The following SLC24A3 variants were observed in gnomAD, a reference collection of about 807,000 sequenced individuals.
SLC24A3 encodes solute carrier family 24 member 3.
In SLC24A3, 28 loss-of-function variants were observed where a neutral mutation model predicts 75.8. The ratio of observed to expected loss-of-function variants is 0.37; its 90% CI spans 0.27 to 0.51. SLC24A3 has a LOEUF of 0.51. Ranked by LOEUF, SLC24A3 falls within the 20% of genes least tolerant of loss-of-function variation. SLC24A3 has a pLI of 0.94. For missense variants in SLC24A3, 663 were observed against 847.8 expected, an observed-to-expected ratio of 0.78 and a Z score of 2.71; for synonymous variants, 372 against 334.1, an observed-to-expected ratio of 1.11 and a Z score of -1.24.
At chr20:19,586,821 T>C (rs2031303613) in intron 6 of SLC24A3, among the ~76,000 whole-genome samples, 1 of 152,234 alleles carries the variant, frequency 6.6e-6, no homozygotes, top group Admixed American at 6.5e-5. Context: ...GGGCTCCCAG[T>C]ACATGGTGAC....
intron 2 of SLC24A3, among the ~76,000 whole-genome samples, chr20:19,362,047 G>T (rs10485589): frequency 6.6e-6 from 1 of 152,006 alleles, no homozygotes; most frequent in Non-Finnish European, 1.5e-5. Flanking sequence ...TTCATGTGTA[G>T]TAAAGACAGC....
At chr20:19,683,587 C>G (rs974818800) in intron 10 of SLC24A3, among the ~76,000 whole-genome samples, 2 of 152,228 alleles carry the variant, frequency 1.3e-5, no homozygotes, top group Non-Finnish European at 2.9e-5. Flanking sequence ...ACCATGTCCT[C>G]CAGTGCAGAA....
At chr20:19,459,592 T>C (rs544290809) in intron 2 of SLC24A3, among the ~76,000 whole-genome samples, 1 of 152,358 alleles carries the variant, frequency 6.6e-6, no homozygotes, top group South Asian at 2.1e-4. Context: ...AGAACCTTCA[T>C]ACTATGGAAC....
intron 1 of SLC24A3, among the ~76,000 whole-genome samples, chr20:19,269,803 T>C (rs1448873247): frequency 6.6e-6 from 1 of 152,214 alleles, no homozygotes; most frequent in Non-Finnish European, 1.5e-5. Flanking sequence ...CACACAATTA[T>C]AGTATTTGCT....
At chr20:19,680,281 A>C (rs2032598703) in intron 9 of SLC24A3, among the ~76,000 whole-genome samples, 1 of 152,008 alleles carries the variant, frequency 6.6e-6, no homozygotes. Context: ...GAAACTGTTG[A>C]TTATATCCCA....
At chr20:19,419,506 G>C (rs1986881483) in intron 2 of SLC24A3, among the ~76,000 whole-genome samples, 1 of 152,126 alleles carries the variant, frequency 6.6e-6, no homozygotes, top group Non-Finnish European at 1.5e-5. Flanking sequence ...GACTGATACA[G>C]AGCCTCTAAG....
chr20:19,236,184 T>C (rs907560420), intron 1 of SLC24A3, among the ~76,000 whole-genome samples: 1 of 152,224 alleles, frequency 6.6e-6, no homozygotes, highest in African/African-American at 2.4e-5. Flanking sequence ...GACACAGTCG[T>C]TGCTTTGAAG....
At chr20:19,446,757 G>A (rs1175046718) in intron 2 of SLC24A3, among the ~76,000 whole-genome samples, 1 of 152,212 alleles carries the variant, frequency 6.6e-6, no homozygotes, top group African/African-American at 2.4e-5. Context: ...GTGACTTTTG[G>A]TGAGGTCCTG....
intron 2 of SLC24A3, among the ~76,000 whole-genome samples, chr20:19,315,933 A>G (rs1286054215): frequency 6.6e-6 from 1 of 152,228 alleles, no homozygotes; most frequent in Non-Finnish European, 1.5e-5. Flanking sequence ...ACATGCTCAG[A>G]ACACTTACAT....
chr20:19,569,062 A>G (rs1248088586), intron 3 of SLC24A3, among the ~76,000 whole-genome samples: 1 of 152,238 alleles, frequency 6.6e-6, no homozygotes, highest in Non-Finnish European at 1.5e-5. Flanking sequence ...AGTCCAGCTC[A>G]GGAACCCAAG....
At chr20:19,428,413 G>T (rs3790200) in intron 2 of SLC24A3, among the ~76,000 whole-genome samples, 6,048 of 152,256 alleles carry the variant, frequency 0.04, 455 homozygotes, top group East Asian at 0.36. Flanking sequence ...AAAAATAAAT[G>T]TCTGACTGGA....
chr20:19,279,836 G>T (rs1983605972), intron 1 of SLC24A3, among the ~76,000 whole-genome samples: 2 of 152,206 alleles, frequency 1.3e-5, no homozygotes, highest in African/African-American at 4.8e-5. Flanking sequence ...CTTGGGCAAT[G>T]ACAGGAAGGT....
chr20:19,324,612 T>A (rs1451001857), intron 2 of SLC24A3, among the ~76,000 whole-genome samples: 1 of 152,162 alleles, frequency 6.6e-6, no homozygotes, highest in Non-Finnish European at 1.5e-5. Context: ...GCCATGAGGG[T>A]TTGACATTTT....
chr20:19,262,827 T>C (rs1289578013), intron 1 of SLC24A3, among the ~76,000 whole-genome samples: 2 of 152,046 alleles, frequency 1.3e-5, no homozygotes, highest in Non-Finnish European at 2.9e-5. Flanking sequence ...CAGCTCTAAC[T>C]TCAGCAGTGT....
chr20:19,550,313 T>G (rs1022289021), intron 3 of SLC24A3, among the ~76,000 whole-genome samples: 3 of 152,212 alleles, frequency 2.0e-5, no homozygotes, highest in Non-Finnish European at 2.9e-5. Context: ...GGAAAAACAT[T>G]TGTTCTACTA....
intron 6 of SLC24A3, among the ~76,000 whole-genome samples, chr20:19,599,049 G>A (rs925239559): frequency 6.6e-6 from 1 of 152,074 alleles, no homozygotes; most frequent in African/African-American, 2.4e-5. Flanking sequence ...GCATGAACTC[G>A]TTTAATCTTT....
At chr20:19,234,959 G>A (rs918474838) in intron 1 of SLC24A3, among the ~76,000 whole-genome samples, 8 of 152,220 alleles carry the variant, frequency 5.3e-5, no homozygotes, top group Non-Finnish European at 1.2e-4. Flanking sequence ...CGGTGTGACT[G>A]TGTAGAAGCT....
chr20:19,360,931 G>A (rs531838994), intron 2 of SLC24A3, among the ~76,000 whole-genome samples: 25 of 151,902 alleles, frequency 1.6e-4, no homozygotes, highest in African/African-American at 4.8e-4. Context: ...GGTTCACGCC[G>A]TTCTCCTGCC....
chr20:19,461,244 T>G (rs565621783), intron 2 of SLC24A3, among the ~76,000 whole-genome samples: 2 of 152,308 alleles, frequency 1.3e-5, no homozygotes, highest in South Asian at 4.1e-4. Context: ...CTCTAGATGG[T>G]CTTGGATAAG....
Sources: gnomAD v4.1 joint callset for allele counts (sites outside exome capture counted in the v4.1 genomes callset) on GRCh38, gnomAD v4.1.1 for gene constraint, MANE v1.5 for transcripts, NCBI Gene and HGNC (gene_info 2026-07-23, HGNC 2026-07-21) for gene names.